The following CUL2 variants were observed in gnomAD, a reference collection of about 807,000 sequenced individuals.
The protein encoded by CUL2 is cullin-2.
In CUL2, 22 loss-of-function variants were observed where a neutral mutation model predicts 110.2. The ratio of observed to expected loss-of-function variants is 0.20; its 90% CI spans 0.14 to 0.28. The LOEUF (loss-of-function observed/expected upper bound fraction) is 0.28. Among genes scored for constraint, CUL2 ranks in the 10% least tolerant of loss-of-function variants. CUL2 has a pLI of 1.00. For missense variants in CUL2, 631 were observed against 905.5 expected (o/e 0.70, Z 3.89); for synonymous variants, 279 against 293.2 (o/e 0.95, Z 0.49).
chr10:35,096,249 GA>G (rs71033375), intron 2 of CUL2, among the ~76,000 whole-genome samples: 36 of 151,694 alleles, frequency 2.4e-4, no homozygotes, highest in African/African-American at 7.7e-4. Context: ...TCTCAGAAAA[GA>G]AAAAAACAAA....
intron 19 of CUL2, 72 bp from the exon 20 acceptor site, chr10:35,012,036 A>T: frequency 4.7e-6 from 4 of 851,656 alleles, no homozygotes; most frequent in Non-Finnish European, 1.8e-6. Flanking sequence ...AATTCATTTT[A>T]TCAGTGAGTG....
intron 19 of CUL2, among the ~76,000 whole-genome samples, chr10:35,013,327 A>G (rs1588942732): frequency 6.7e-6 from 1 of 148,796 alleles, no homozygotes; most frequent in South Asian, 2.2e-4. Flanking sequence ...CCTGGGCGAG[A>G]GAGCAAGACT....
chr10:35,013,066 C>T (rs1052622007), intron 19 of CUL2, among the ~76,000 whole-genome samples: 2 of 152,126 alleles, frequency 1.3e-5, no homozygotes, highest in African/African-American at 2.4e-5. Context: ...GTAGGCCAGG[C>T]GCGGTGGTTC....
At chr10:35,103,803 T>G (rs1036743010) in intron 1 of CUL2, among the ~76,000 whole-genome samples, 2 of 152,136 alleles carry the variant, frequency 1.3e-5, no homozygotes, top group Admixed American at 1.3e-4. Context: ...CCAGTCAGTA[T>G]GAACTAATAT....
At chr10:35,085,843 A>G (rs1487684781) in intron 1 of CUL2, among the ~76,000 whole-genome samples, 1 of 152,190 alleles carries the variant, frequency 6.6e-6, no homozygotes, top group African/African-American at 2.4e-5. Flanking sequence ...TCTCACAAAA[A>G]GAAACAGCTT....
At chr10:35,075,637 C>A (rs1483728887) in intron 1 of CUL2, among the ~76,000 whole-genome samples, 15 of 12,966 alleles carry the variant, frequency 1.2e-3, no homozygotes, top group African/African-American at 5.0e-3. Context: ...GGCCCTAAAA[C>A]ACACACACAC....
At chr10:35,048,305 T>G (rs1411994406) in intron 6 of CUL2, among the ~76,000 whole-genome samples, 1 of 152,114 alleles carries the variant, frequency 6.6e-6, no homozygotes, top group Non-Finnish European at 1.5e-5. Context: ...ACAACAAAAA[T>G]AAGACAAGCA....
intron 15 of CUL2, 103 bp from the exon 16 acceptor site, chr10:35,028,990 C>T: frequency 1.4e-6 from 1 of 693,958 alleles, no homozygotes; most frequent in Non-Finnish European, 2.4e-6. Context: ...TTTTTTTCTT[C>T]CTCAAAATGT....
At chr10:35,101,392 A>G (rs1224783930) in intron 1 of CUL2, among the ~76,000 whole-genome samples, 1 of 152,228 alleles carries the variant, frequency 6.6e-6, no homozygotes, top group East Asian at 1.9e-4. Flanking sequence ...CATTAGTACC[A>G]ACATCTAGCC....
chr10:35,061,766 AG>A (rs2086388636), intron 3 of CUL2, among the ~76,000 whole-genome samples: 1 of 140,588 alleles, frequency 7.1e-6, no homozygotes, highest in Non-Finnish European at 1.6e-5. Flanking sequence ...CTTACTTATG[AG>A]GGTTTTTTTT....
chr10:35,066,995 C>G (rs895341962), intron 2 of CUL2, among the ~76,000 whole-genome samples: 10 of 151,858 alleles, frequency 6.6e-5, no homozygotes, highest in African/African-American at 1.5e-4. Context: ...AGAATATAAA[C>G]TAGAAATGAT....
At position 35,031,271 on chromosome 10, in the gene CUL2, GACA is replaced by G. The variant is rs779414437; in HGVS notation, c.1386+26_1386+28del. ...TATGTGCTTGTGAATGAATTTCTAG[GACA>G]ATACCACATTAAAGACTTACATTAC... On this transcript the variant is annotated intron_variant, in intron 14 of 20. Transcript: ENST00000374749. The surrounding 1 kb of genome is among the most constrained non-coding windows in gnomAD (Gnocchi z 4.4). The G allele has an allele frequency of 7.2e-7, 1 of 1,387,606 alleles. No individual in the cohort carries two copies. The highest frequency in any genetic ancestry group is 1.0e-6 in the Non-Finnish European group (1 of 999,220). The allele number at this position is 1,387,606 out of a possible 1,614,324, so 86.0% of individuals were successfully genotyped here.
chr10:35,056,764 A>G (rs2086250175), intron 4 of CUL2, among the ~76,000 whole-genome samples: 1 of 152,228 alleles, frequency 6.6e-6, no homozygotes, highest in Non-Finnish European at 1.5e-5. Flanking sequence ...TATGCCTTCC[A>G]ATACGGAATC....
intron 1 of CUL2, among the ~76,000 whole-genome samples, chr10:35,104,123 C>T (rs1051847978): frequency 2.6e-5 from 4 of 152,064 alleles, no homozygotes; most frequent in African/African-American, 7.2e-5. Flanking sequence ...CGCACACACA[C>T]GATTTCACAC....
intron 6 of CUL2, among the ~76,000 whole-genome samples, chr10:35,047,006 G>A (rs1269717068): frequency 6.6e-6 from 1 of 152,176 alleles, no homozygotes; most frequent in Non-Finnish European, 1.5e-5. Context: ...CTACCATTGG[G>A]TAACTAAACA....
chr10:35,048,314 C>G (rs560895703), intron 6 of CUL2, among the ~76,000 whole-genome samples: 2 of 152,250 alleles, frequency 1.3e-5, no homozygotes, highest in African/African-American at 2.4e-5. Context: ...ATAAGACAAG[C>G]AGACCAGATA....
intron 17 of CUL2, among the ~76,000 whole-genome samples, chr10:35,018,530 G>A (rs1447957694): frequency 9.9e-5 from 15 of 151,956 alleles, no homozygotes; most frequent in African/African-American, 2.7e-4. Context: ...TTGGGAGGCC[G>A]AGGCAGGTGG....
rs187406039 is a variant in CUL2 at position 35,015,763 on chromosome 10, C to G, written c.1887+429G>C. On this transcript the variant is annotated intron_variant, in intron 18 of 20. Coordinates refer to ENST00000374749, the MANE Select transcript of CUL2 (RefSeq NM_003591.4). ...GTTAATTGAGTGCTGACATTAAGAA[C>G]ACTTGGAATGGAGTTACACATATTA... Among the ~76,000 whole-genome samples, 467 of 152,194 alleles carry G rather than the reference C, an allele frequency of 3.1e-3. 3 individuals carry two copies. The highest frequency in any genetic ancestry group is 4.2e-3 in the Non-Finnish European group (288 of 68,004).
At chr10:35,029,761 C>A in intron 14 of CUL2, 121 bp from the exon 15 acceptor site, 1 of 635,952 alleles carries the variant, frequency 1.6e-6, no homozygotes, top group Non-Finnish European at 2.6e-6. Context: ...TACACTTATA[C>A]CCAAGGACTA....
Sources: allele counts gnomAD v4.1 joint callset (sites outside exome capture counted in the v4.1 genomes callset), GRCh38; gene constraint gnomAD v4.1.1; non-coding constraint Gnocchi (gnomAD v3.1); transcripts MANE v1.5; gene names NCBI Gene and HGNC (gene_info 2026-07-23, HGNC 2026-07-21).